KLF8: variants seen among roughly 807,000 people sequenced by gnomAD.
KLF8 encodes Krueppel-like factor 8.
Under a neutral mutation model 18.2 loss-of-function variants are expected in KLF8, and 10 were observed. The ratio of observed to expected loss-of-function variants is 0.55; its 90% confidence interval spans 0.34 to 0.93. The LOEUF (loss-of-function observed/expected upper bound fraction) is 0.93. KLF8 is among the 40% of genes least tolerant of loss of function. The probability of loss-of-function intolerance (pLI) is 0.02; values close to 1 mark genes in which losing one functional copy is unlikely to be tolerated. For missense variants in KLF8, 264 were observed against 277.9 expected (o/e 0.95, Z 0.36); for synonymous variants, 109 against 97.3 (o/e 1.12, Z -0.71).
At chrX:55,968,319 T>TA in the KLF8 span, among the ~76,000 whole-genome samples, 45 of 111,585 alleles carry the variant, frequency 4.0e-4, 1 homozygote, top group South Asian at 3.7e-4. Flanking sequence ...TGAATGGATT[T>TA]AAAAAAATGC....
the KLF8 span, among the ~76,000 whole-genome samples, chrX:56,126,016 T>C: frequency 8.9e-6 from 1 of 112,111 alleles, no homozygotes; most frequent in Non-Finnish European, 1.9e-5. Flanking sequence ...TTGTGATTAA[T>C]GGTAACTCAG....
At chrX:56,259,097 T>A (rs1193893635) in intron 2 of KLF8, among the ~76,000 whole-genome samples, 1 of 111,490 alleles carries the variant, frequency 9.0e-6, no homozygotes, top group Non-Finnish European at 1.9e-5. Context: ...TTGGTCAAAA[T>A]GTATGAGCAG....
chrX:56,108,782 T>C, the KLF8 span, among the ~76,000 whole-genome samples: 2 of 111,929 alleles, frequency 1.8e-5, no homozygotes, highest in African/African-American at 3.2e-5. Flanking sequence ...AAAAGTTGTG[T>C]TATTGATTTG....
chrX:56,281,597 C>T (rs1430017904), intron 5 of KLF8, among the ~76,000 whole-genome samples: 7 of 110,720 alleles, frequency 6.3e-5, no homozygotes, highest in South Asian at 3.8e-4. Flanking sequence ...TTAGTAGAGA[C>T]GGGGTTTCAC....
chrX:56,201,438 T>C, the KLF8 span, among the ~76,000 whole-genome samples: 1 of 111,012 alleles, frequency 9.0e-6, no homozygotes, highest in African/African-American at 3.3e-5. Context: ...AACATGGTAG[T>C]TGTTAGGGGT....
chrX:56,010,115 A>G, the KLF8 span, among the ~76,000 whole-genome samples: 1 of 111,587 alleles, frequency 9.0e-6, no homozygotes, highest in Non-Finnish European at 1.9e-5. Flanking sequence ...GGAGAACCTC[A>G]GTAAGATATT....
the KLF8 span, among the ~76,000 whole-genome samples, chrX:56,148,168 A>G: frequency 3.6e-5 from 4 of 112,092 alleles, no homozygotes; most frequent in Admixed American, 3.8e-4. Context: ...GAAATTAATA[A>G]TGCACTTTTG....
At chrX:56,112,966 A>G in the KLF8 span, among the ~76,000 whole-genome samples, 1 of 110,983 alleles carries the variant, frequency 9.0e-6, no homozygotes, top group South Asian at 3.8e-4. Flanking sequence ...TAATCCTAGC[A>G]CTTTGGGAGG....
Position 56,265,526 on chromosome X carries a change from C to G in KLF8, c.428C>G (p.Ser143Cys), listed in dbSNP as rs750305226. ...ATTCCTACTGTTCTGACCCCAGGCT[C>G]TGTCCTGACCTCCTCTCAGAGCACT... ...ANIPTVLTPG[S>C]VLTSSQSTGS... is the part of the protein sequence containing the mutation. Residue 143 changes from serine to cysteine, a missense_variant, in exon 3 of 6, where the codon TCT (serine) becomes TGT (cysteine). By Grantham distance (112) the Ser-to-Cys change is moderately radical. Transcript: ENST00000468660. 6 of 1,211,596 alleles carry G rather than the reference C, an allele frequency of 5.0e-6. No homozygotes were observed. The highest frequency in any genetic ancestry group is 6.7e-6 in the Non-Finnish European group (6 of 895,121).
chrX:56,216,692 A>T, the KLF8 span, among the ~76,000 whole-genome samples: 1 of 110,623 alleles, frequency 9.0e-6, no homozygotes, highest in Non-Finnish European at 1.9e-5. Flanking sequence ...ACTCTTTAGG[A>T]TCACTATAAA....
chrX:55,943,127 G>A, the KLF8 span, among the ~76,000 whole-genome samples: 2 of 110,921 alleles, frequency 1.8e-5, no homozygotes, highest in Non-Finnish European at 3.8e-5. Flanking sequence ...TTTAATTTTT[G>A]GCATGAGTGA....
chrX:56,060,684 G>T, the KLF8 span, among the ~76,000 whole-genome samples: 8 of 111,697 alleles, frequency 7.2e-5, no homozygotes, highest in East Asian at 1.7e-3. Flanking sequence ...GCCAGGTTTT[G>T]GTATCAGGAT....
At chrX:55,959,997 A>G in the KLF8 span, among the ~76,000 whole-genome samples, 21 of 111,800 alleles carry the variant, frequency 1.9e-4, no homozygotes, top group Non-Finnish European at 3.8e-4. Context: ...ACTAGAAAGA[A>G]GGGGCAGGTC....
chrX:56,175,190 G>A, the KLF8 span, among the ~76,000 whole-genome samples: 1 of 111,581 alleles, frequency 9.0e-6, no homozygotes, highest in Admixed American at 9.6e-5. Context: ...TGTGATGTTA[G>A]GGTGTCAATT....
At chrX:56,179,304 G>A in the KLF8 span, among the ~76,000 whole-genome samples, 2 of 111,787 alleles carry the variant, frequency 1.8e-5, no homozygotes, top group Non-Finnish European at 3.8e-5. Context: ...TCTGTTATTG[G>A]TGTATAGGAA....
At chrX:56,258,777 A>T in intron 2 of KLF8, among the ~76,000 whole-genome samples, 1 of 111,698 alleles carries the variant, frequency 9.0e-6, no homozygotes, top group South Asian at 3.8e-4. Flanking sequence ...ATTTTTAGAA[A>T]AGCCTGAGTG....
chrX:56,028,257 T>C, the KLF8 span, among the ~76,000 whole-genome samples: 8 of 110,757 alleles, frequency 7.2e-5, no homozygotes, highest in African/African-American at 2.7e-4. Flanking sequence ...TTCAAAGGGC[T>C]CTCAGTCGCC....
the KLF8 span, among the ~76,000 whole-genome samples, chrX:56,133,036 C>A: frequency 9.0e-6 from 1 of 110,946 alleles, no homozygotes; most frequent in Non-Finnish European, 1.9e-5. Flanking sequence ...AAATGGCCAA[C>A]AAAACCAGTC....
chrX:56,050,551 G>T, the KLF8 span, among the ~76,000 whole-genome samples: 1 of 112,045 alleles, frequency 8.9e-6, no homozygotes, highest in Non-Finnish European at 1.9e-5. Flanking sequence ...GGAGCAGGTT[G>T]TTCAGTTTCC....
Sources: allele counts gnomAD v4.1 joint callset (sites outside exome capture counted in the v4.1 genomes callset), GRCh38; gene constraint gnomAD v4.1.1; transcripts MANE v1.5; gene names NCBI Gene and HGNC (gene_info 2026-07-23, HGNC 2026-07-21).